PPP1R12B: variants seen among roughly 807,000 people sequenced by gnomAD.
PPP1R12B encodes the protein myosin phosphatase target subunit 2.
PPP1R12B carries 76 observed loss-of-function variants against 126.1 expected under a neutral mutation model. The ratio of observed to expected loss-of-function variants is 0.60; its 90% CI spans 0.50 to 0.73. The LOEUF (loss-of-function observed/expected upper bound fraction) is 0.73, where lower values mean the gene tolerates loss of function less well. Ranked by LOEUF, PPP1R12B falls within the 30% of genes least tolerant of loss-of-function variation. PPP1R12B has a pLI of 0.00. For synonymous variants in PPP1R12B, 356 were observed against 434.7 expected, an observed-to-expected ratio of 0.82 and a Z score of 2.25; for missense variants, 1,052 against 1,205.1, an observed-to-expected ratio of 0.87 and a Z score of 1.88.
intron 13 of PPP1R12B, among the ~76,000 whole-genome samples, chr1:202,475,787 C>G (rs1217014128): frequency 6.6e-6 from 1 of 152,110 alleles, no homozygotes; most frequent in African/African-American, 2.4e-5. Flanking sequence ...CGTGATCCCC[C>G]TAAGTCTGTC....
rs368715239 is a variant in PPP1R12B at position 202,403,323 on chromosome 1, A to G, written c.292-13464A>G. ...TTGTGTGCAAAAAATCTTTAATTTT[A>G]AAATACCATATGGGCCAAACAGTAT... On this transcript the variant is annotated intron_variant, in intron 1 of 23. Coordinates refer to ENST00000608999, the MANE Select transcript of PPP1R12B (RefSeq NM_002481.4). 6.4e-4 allele frequency among the ~76,000 whole-genome samples: 98 copies of G among 152,376 alleles called. No individual in the cohort carries two copies. The South Asian group carries it at 0.011, about 17-fold the overall frequency.
intron 20 of PPP1R12B, among the ~76,000 whole-genome samples, chr1:202,563,505 G>T (rs535072957): frequency 3.4e-4 from 52 of 151,822 alleles, no homozygotes; most frequent in African/African-American, 1.2e-3. Context: ...TATAAAAAGG[G>T]TGAAAAACCT....
At chr1:202,529,992 G>A (rs1156378345) in intron 18 of PPP1R12B, among the ~76,000 whole-genome samples, 1 of 152,038 alleles carries the variant, frequency 6.6e-6, no homozygotes, top group East Asian at 1.9e-4. Context: ...AATATTTATA[G>A]TCTTAACAAA....
chr1:202,430,058 T>C (rs1334142855), intron 6 of PPP1R12B, among the ~76,000 whole-genome samples: 1 of 152,234 alleles, frequency 6.6e-6, no homozygotes, highest in Non-Finnish European at 1.5e-5. Context: ...ACAGCCTTCC[T>C]GATTATAAGT....
intron 13 of PPP1R12B, among the ~76,000 whole-genome samples, chr1:202,451,339 C>T (rs1371152989): frequency 6.7e-6 from 1 of 149,376 alleles, no homozygotes; most frequent in Non-Finnish European, 1.5e-5. Context: ...GTTTGTGTCC[C>T]TGCGTACTTG....
intron 1 of PPP1R12B, among the ~76,000 whole-genome samples, chr1:202,409,705 C>G (rs1297879602): frequency 6.6e-6 from 1 of 151,908 alleles, no homozygotes; most frequent in Non-Finnish European, 1.5e-5. Flanking sequence ...TGTGTGTTGC[C>G]CACGCTTGAG....
intron 13 of PPP1R12B, among the ~76,000 whole-genome samples, chr1:202,453,211 T>C (rs1673222235): frequency 6.6e-6 from 1 of 152,144 alleles, no homozygotes; most frequent in African/African-American, 2.4e-5. Flanking sequence ...TTTTATCAAA[T>C]GCTATTTCAG....
chr1:202,540,369 A>C, intron 18 of PPP1R12B: 1 of 683,926 alleles, frequency 1.5e-6, no homozygotes, highest in Non-Finnish European at 2.3e-6. Context: ...AGTACAGGGA[A>C]AAAAAATTGC....
At chr1:202,426,454 A>G (rs1669520462) in intron 4 of PPP1R12B, among the ~76,000 whole-genome samples, 1 of 152,158 alleles carries the variant, frequency 6.6e-6, no homozygotes, top group East Asian at 1.9e-4. Flanking sequence ...CCATGCATAC[A>G]AGTTAAATTA....
intron 18 of PPP1R12B, among the ~76,000 whole-genome samples, chr1:202,526,146 T>G (rs1683323142): frequency 6.6e-6 from 1 of 152,204 alleles, no homozygotes; most frequent in Admixed American, 6.5e-5. Context: ...TTGAAGGATT[T>G]GACTTCAAAT....
At chr1:202,397,079 TC>T (rs1665098126) in intron 1 of PPP1R12B, among the ~76,000 whole-genome samples, 1 of 152,206 alleles carries the variant, frequency 6.6e-6, no homozygotes, top group Non-Finnish European at 1.5e-5. Flanking sequence ...CTTCCTGGCT[TC>T]CATCTATCAC....
intron 1 of PPP1R12B, among the ~76,000 whole-genome samples, chr1:202,397,330 A>G (rs1295233355): frequency 1.3e-5 from 2 of 152,162 alleles, no homozygotes; most frequent in African/African-American, 2.4e-5. Flanking sequence ...TATGACTTCC[A>G]TGCTAAATTT....
chr1:202,417,051 G>T, intron 2 of PPP1R12B, 134 bp downstream of exon 2: 1 of 1,169,534 alleles, frequency 8.6e-7, no homozygotes, highest in Non-Finnish European at 1.1e-6. Context: ...GCAGAAAGTT[G>T]AATTATCTTT....
At chr1:202,473,844 G>A (rs964637362) in intron 13 of PPP1R12B, 14 of 499,392 alleles carry the variant, frequency 2.8e-5, no homozygotes, top group Non-Finnish European at 4.6e-5. Flanking sequence ...TTCCAAGGGA[G>A]ACCGGGTGCT....
chr1:202,580,746 C>T lies in PPP1R12B; in HGVS notation c.*186C>T, dbSNP rs1301383288. ...CTGCACTTTCAATGCCCTGTTCTTC[C>T]AAACCCCTATCCCAAGTTTTATGAC... On this transcript the variant is annotated 3_prime_UTR_variant, in exon 24 of 24. Coordinates refer to ENST00000608999, the MANE Select transcript of PPP1R12B (RefSeq NM_002481.4). The T allele has an allele frequency of 5.3e-6, 3 of 563,986 alleles. No individual in the cohort carries two copies. The highest frequency in any genetic ancestry group is 2.1e-5 in the South Asian group (1 of 47,204). 34.9% of individuals were successfully genotyped at this position (563,986 alleles called of 1,614,324 possible).
In PPP1R12B at chr1:202,588,116, T is replaced by C. The variant is rs1358014425; in HGVS notation, c.*7556T>C. The C allele has an allele frequency of 6.6e-6, 1 of 152,608 alleles. No homozygotes were observed. The highest frequency in any genetic ancestry group is 1.5e-5 in the Non-Finnish European group (1 of 68,036). The allele number at this position is 152,608 out of a possible 1,614,324, so 9.5% of individuals were successfully genotyped here. On this transcript the variant is annotated 3_prime_UTR_variant, in exon 24 of 24. Coordinates refer to ENST00000608999, the MANE Select transcript of PPP1R12B (RefSeq NM_002481.4). ...CACTCAGACTTTGGCTTTATGGTTT[T>C]CCTTCCTCCTTGTCTTTGCCCTGAC...
At chr1:202,488,189 G>A (rs1282274034) in intron 13 of PPP1R12B, among the ~76,000 whole-genome samples, 6 of 152,310 alleles carry the variant, frequency 3.9e-5, no homozygotes, top group South Asian at 4.1e-4. Flanking sequence ...TCTCAGGAGG[G>A]ACAGAATGGA....
intron 18 of PPP1R12B, among the ~76,000 whole-genome samples, chr1:202,500,051 A>G (rs1476809885): frequency 6.6e-6 from 1 of 152,244 alleles, no homozygotes; most frequent in Non-Finnish European, 1.5e-5. Context: ...GCCATTATGG[A>G]AAACAGTATG....
chr1:202,485,661 G>A (rs1173419476), intron 13 of PPP1R12B, among the ~76,000 whole-genome samples: 1 of 152,122 alleles, frequency 6.6e-6, no homozygotes, highest in African/African-American at 2.4e-5. Flanking sequence ...AGAATACCTT[G>A]CTCCCCTCTC....
Sources: allele counts gnomAD v4.1 joint callset (sites outside exome capture counted in the v4.1 genomes callset), GRCh38; gene constraint gnomAD v4.1.1; transcripts MANE v1.5; gene names NCBI Gene and HGNC (gene_info 2026-07-23, HGNC 2026-07-21).